Variants in ZNF365 observed in about 807,000 individuals in gnomAD.
ZNF365 encodes zinc finger protein 365, also known as protein ZNF365.
Under a neutral mutation model 35.0 loss-of-function variants are expected in ZNF365, and 22 were observed. The ratio of observed to expected loss-of-function variants is 0.63; its 90% CI spans 0.45 to 0.90. The LOEUF is 0.90. Among genes scored for constraint, ZNF365 ranks in the 40% least tolerant of loss-of-function variants. The pLI is 0.00. For synonymous variants in ZNF365, 188 were observed against 196.2 expected, an observed-to-expected ratio of 0.96 and a Z score of 0.35; for missense variants, 448 against 500.3, an observed-to-expected ratio of 0.90 and a Z score of 1.00.
intron 3 of ZNF365, among the ~76,000 whole-genome samples, chr10:62,440,797 T>C (rs1374529480): frequency 6.6e-6 from 1 of 152,212 alleles, no homozygotes; most frequent in Non-Finnish European, 1.5e-5. Flanking sequence ...CAGGAATCAC[T>C]TGTGATTTAC....
chr10:62,471,378 A>AG (rs934015825), intron 4 of ZNF365, among the ~76,000 whole-genome samples: 2 of 151,946 alleles, frequency 1.3e-5, no homozygotes, highest in Non-Finnish European at 2.9e-5. Flanking sequence ...AAAAAAAAAA[A>AG]AAAAAATAGG....
intron 4 of ZNF365, among the ~76,000 whole-genome samples, chr10:62,474,657 C>G (rs915098209): frequency 3.3e-5 from 5 of 152,222 alleles, no homozygotes; most frequent in African/African-American, 1.2e-4. Context: ...ATTCTCCAAT[C>G]TCATTGTCCA....
intron 4 of ZNF365, among the ~76,000 whole-genome samples, chr10:62,464,944 G>A (rs900986311): frequency 2.6e-5 from 4 of 152,210 alleles, no homozygotes; most frequent in African/African-American, 7.2e-5. Flanking sequence ...AGCAGGGGCC[G>A]GAAGCAGGTG....
At chr10:62,438,191 T>C (rs898158221) in intron 3 of ZNF365, among the ~76,000 whole-genome samples, 2 of 147,668 alleles carry the variant, frequency 1.4e-5, no homozygotes, top group African/African-American at 5.3e-5. Flanking sequence ...GTTTTTGTTT[T>C]TGTTTTTTTT....
intron 4 of ZNF365, among the ~76,000 whole-genome samples, chr10:62,470,726 G>A (rs1417577230): frequency 6.6e-6 from 1 of 152,120 alleles, no homozygotes; most frequent in Non-Finnish European, 1.5e-5. Flanking sequence ...TTCTTGATCA[G>A]TGTTGCAGTC....
chr10:62,461,565 C>G (rs1275043071), intron 4 of ZNF365, among the ~76,000 whole-genome samples: 1 of 152,200 alleles, frequency 6.6e-6, no homozygotes, highest in Non-Finnish European at 1.5e-5. Context: ...TGTATCCATC[C>G]CATCCCCCTC....
chr10:62,389,332 C>G (rs1839584086), intron 3 of ZNF365, among the ~76,000 whole-genome samples: 1 of 151,880 alleles, frequency 6.6e-6, no homozygotes, highest in Non-Finnish European at 1.5e-5. Context: ...ACAACAAAAC[C>G]AAGGAAATAT....
rs1037857950 is a variant in ZNF365 at position 62,470,157 on chromosome 10, T to C, written c.982-9719T>C. Reference sequence around the variant, plus strand: ...AGATAGAAGGATTTGAGTAGCTTATTTGGGAGTGATCCAGGAAACATCAGT... The same window carrying C: ...AGATAGAAGGATTTGAGTAGCTTATCTGGGAGTGATCCAGGAAACATCAGT... On this transcript the variant is annotated intron_variant, in intron 4 of 4. Transcript: ENST00000395255. Among the ~76,000 whole-genome samples the C allele has an allele frequency of 4.6e-5, 7 of 152,210 alleles. 1 individual carries two copies. Among genetic ancestry groups the C allele is most frequent in the African/African-American group, 1.7e-4 (7 of 41,448 alleles).
chr10:62,452,758 T>G (rs1840703884), intron 3 of ZNF365, among the ~76,000 whole-genome samples: 5 of 152,244 alleles, frequency 3.3e-5, no homozygotes, highest in Admixed American at 3.3e-4. Context: ...TTTATTCTCT[T>G]GTATCTTTGG....
chr10:62,420,364 G>A (rs541988551), intron 3 of ZNF365, among the ~76,000 whole-genome samples: 23 of 152,180 alleles, frequency 1.5e-4, no homozygotes, highest in Non-Finnish European at 3.2e-4. Context: ...TTTTGTTATT[G>A]TTCAGTTTGA....
chr10:62,439,386 CAAA>C (rs76672246), intron 3 of ZNF365, among the ~76,000 whole-genome samples: 11 of 144,562 alleles, frequency 7.6e-5, no homozygotes, highest in Non-Finnish European at 9.1e-5. Flanking sequence ...TCAACTCTAG[CAAA>C]AAAAAAAAAA....
chr10:62,465,088 G>A (rs1840916655), intron 4 of ZNF365, among the ~76,000 whole-genome samples: 1 of 152,198 alleles, frequency 6.6e-6, no homozygotes, highest in Admixed American at 6.5e-5. Flanking sequence ...ATCCCAGGAA[G>A]CCCCCTACCC....
intron 3 of ZNF365, among the ~76,000 whole-genome samples, chr10:62,413,773 G>A (rs1468170200): frequency 1.3e-5 from 2 of 152,170 alleles, no homozygotes; most frequent in East Asian, 3.9e-4. Context: ...AGAAGCAGAG[G>A]TTTTTAACCA....
intron 2 of ZNF365, among the ~76,000 whole-genome samples, chr10:62,381,754 G>A (rs1038006851): frequency 4.6e-5 from 7 of 152,126 alleles, no homozygotes; most frequent in African/African-American, 1.7e-4. Flanking sequence ...CTTAATCGGG[G>A]TAGGGCTTTT....
intron 3 of ZNF365, among the ~76,000 whole-genome samples, chr10:62,412,640 G>A (rs1045645914): frequency 2.0e-5 from 3 of 151,932 alleles, no homozygotes; most frequent in African/African-American, 7.3e-5. Context: ...CCAACAACAG[G>A]CAAGCAGAGA....
In ZNF365 at chr10:62,458,558, GT is replaced by G. The variant is rs1247918000; in HGVS notation, c.925-1175del. ...TGTGTATGTGGGTGCATGCACATGT[GT>G]TTTTTTTAAAACAACATTAGATTTT... On this transcript the variant is annotated intron_variant, in intron 3 of 4. Transcript: ENST00000395255. Among the ~76,000 whole-genome samples the G allele has an allele frequency of 3.3e-5, 5 of 151,594 alleles. No homozygotes were observed. The East Asian group carries it at 9.6e-4, about 29-fold the overall frequency.
At chr10:62,445,880 G>A (rs1041044875) in intron 3 of ZNF365, among the ~76,000 whole-genome samples, 8 of 152,110 alleles carry the variant, frequency 5.3e-5, no homozygotes, top group African/African-American at 1.9e-4. Context: ...GTAAACAATT[G>A]GAACGAGGCA....
exon 5 of ZNF365, chr10:62,480,121 C>T (rs897346289): frequency 3.0e-6 from 4 of 1,335,868 alleles, no homozygotes; most frequent in Non-Finnish European, 3.9e-6. Context: ...CTGCAGACTT[C>T]CTGAGGGCAC....
In ZNF365 at chr10:62,376,858, T is replaced by C; in HGVS notation, c.665T>C (p.Val222Ala). ...QRRERALNRQ[V>A]DVAVEMIAVL... The stretch of plus-strand genomic sequence containing the variant: ...CGAGAGCGGGCCTTAAACAGACAGG[T>C]GGACGTGGCCGTGGAAATGATAGCT... The change falls in exon 2 of 5, where the codon GTG becomes GCG. Residue 222 changes from valine (V) to alanine (A), a missense_variant. This residue lies in a region of ZNF365 where 362 missense variants were observed against 375.7 expected (regional missense o/e 0.96). Transcript: ENST00000395254. 3 of 1,614,106 alleles carry C rather than the reference T, an allele frequency of 1.9e-6. No homozygotes were observed. Among genetic ancestry groups the C allele is most frequent in the Non-Finnish European group, 2.5e-6 (3 of 1,180,018 alleles).
Sources: gnomAD v4.1 joint callset for allele counts (sites outside exome capture counted in the v4.1 genomes callset) on GRCh38, gnomAD v4.1.1 for gene constraint, gnomAD v4.1.1 regional missense constraint, MANE v1.5 for transcripts, NCBI Gene and HGNC (gene_info 2026-07-23, HGNC 2026-07-21) for gene names.